VAV3: variants seen among roughly 807,000 people sequenced by gnomAD.
VAV3 encodes guanine nucleotide exchange factor VAV3.
VAV3 carries 94 observed loss-of-function variants against 131.2 expected under a neutral mutation model. The ratio of observed to expected loss-of-function variants is 0.72; its 90% CI spans 0.61 to 0.85. VAV3 has a LOEUF of 0.85. Among genes scored for constraint, VAV3 ranks in the 40% least tolerant of loss-of-function variants. VAV3 has a pLI of 0.00. For missense variants in VAV3, 939 were observed against 1,002.7 expected (o/e 0.94, Z 0.86); for synonymous variants, 349 against 342.0 (o/e 1.02, Z -0.22).
intron 15 of VAV3, among the ~76,000 whole-genome samples, chr1:107,730,215 GAGA>G (rs1210359764): frequency 6.6e-6 from 1 of 152,162 alleles, no homozygotes; most frequent in African/African-American, 2.4e-5. Context: ...TACCCTGAAG[GAGA>G]AGGATGACAG....
chr1:107,637,382 G>A (rs755770920), intron 20 of VAV3, among the ~76,000 whole-genome samples: 7 of 152,080 alleles, frequency 4.6e-5, no homozygotes, highest in Non-Finnish European at 1.0e-4. Flanking sequence ...TAGCACTTTG[G>A]GAGGCTGAGG....
At chr1:107,836,818 T>C (rs1442926786) in intron 2 of VAV3, among the ~76,000 whole-genome samples, 1 of 151,886 alleles carries the variant, frequency 6.6e-6, no homozygotes, top group African/African-American at 2.4e-5. Context: ...CTAGAGGAAA[T>C]ATATAAACTC....
chr1:107,738,630 T>A (rs1293713131), intron 15 of VAV3, among the ~76,000 whole-genome samples: 1 of 152,242 alleles, frequency 6.6e-6, no homozygotes, highest in Non-Finnish European at 1.5e-5. Flanking sequence ...CAATCGCAGC[T>A]TATTTTGTGT....
chr1:107,822,968 A>G (rs1038814842), intron 2 of VAV3, among the ~76,000 whole-genome samples: 3 of 152,176 alleles, frequency 2.0e-5, no homozygotes, highest in African/African-American at 7.2e-5. Flanking sequence ...ACAGGCCATA[A>G]AATTTTGGAT....
At position 107,643,365 on chromosome 1, in the gene VAV3, T is replaced by G. The variant is rs572332810; in HGVS notation, c.1778-610A>C. On this transcript the variant is annotated intron_variant, in intron 19 of 26. Coordinates refer to ENST00000370056, the MANE Select transcript of VAV3 (RefSeq NM_006113.5). ...TCTAAGCCAATAGCACCAATGATATTTGAAATACAGATCCATTCCTTCTCT... is the reference window on the plus strand; with the variant it reads ...TCTAAGCCAATAGCACCAATGATATGTGAAATACAGATCCATTCCTTCTCT... Among the ~76,000 whole-genome samples the G allele has an allele frequency of 2.0e-5, 3 of 152,342 alleles. No homozygotes were observed. The South Asian group carries it at 6.2e-4, about 32-fold the overall frequency.
At chr1:107,612,211 T>C (rs1652804894) in intron 21 of VAV3, among the ~76,000 whole-genome samples, 1 of 151,076 alleles carries the variant, frequency 6.6e-6, no homozygotes, top group African/African-American at 2.4e-5. Flanking sequence ...TAAATATATA[T>C]GTGTCTATTT....
chr1:107,614,422 C>T (rs1652985750), intron 21 of VAV3, among the ~76,000 whole-genome samples: 1 of 151,900 alleles, frequency 6.6e-6, no homozygotes, highest in African/African-American at 2.4e-5. Flanking sequence ...CTCCCTCAAT[C>T]TATCCCCTCC....
chr1:107,743,525 A>AT (rs1663146120), intron 15 of VAV3, among the ~76,000 whole-genome samples: 1 of 152,210 alleles, frequency 6.6e-6, no homozygotes, highest in Non-Finnish European at 1.5e-5. Flanking sequence ...TTAACAGAAT[A>AT]TTATTATATT....
intron 2 of VAV3, among the ~76,000 whole-genome samples, chr1:107,873,753 C>A (rs986147492): frequency 6.6e-6 from 1 of 152,122 alleles, no homozygotes; most frequent in African/African-American, 2.4e-5. Context: ...TCTTATCCCC[C>A]CTTCCTTTTG....
chr1:107,863,632 T>C (rs1224632769), intron 2 of VAV3, among the ~76,000 whole-genome samples: 1 of 152,248 alleles, frequency 6.6e-6, no homozygotes, highest in African/African-American at 2.4e-5. Context: ...GGATTACCAC[T>C]TCGGCACCTT....
At chr1:107,742,863 T>C (rs972388045) in intron 15 of VAV3, among the ~76,000 whole-genome samples, 2 of 152,198 alleles carry the variant, frequency 1.3e-5, no homozygotes, top group Non-Finnish European at 2.9e-5. Context: ...ATAAATACAA[T>C]TGTGAGAGAA....
At chr1:107,901,042 T>TA (rs745444460) in intron 1 of VAV3, among the ~76,000 whole-genome samples, 4 of 152,190 alleles carry the variant, frequency 2.6e-5, no homozygotes, top group Non-Finnish European at 5.9e-5. Context: ...TGCCAGACTG[T>TA]ACTTACTAAA....
intron 1 of VAV3, among the ~76,000 whole-genome samples, chr1:107,930,469 T>C (rs531890802): frequency 1.6e-4 from 24 of 152,258 alleles, no homozygotes; most frequent in Admixed American, 1.0e-3. Context: ...TAGTCATTAC[T>C]AGAAATGACA....
chr1:107,594,014 T>C (rs1651175930), intron 25 of VAV3, among the ~76,000 whole-genome samples: 1 of 152,098 alleles, frequency 6.6e-6, no homozygotes, highest in African/African-American at 2.4e-5. Context: ...TCCTCTAACT[T>C]TATACAAAGT....
chr1:107,940,328 A>ATT (rs1673926206), intron 1 of VAV3, among the ~76,000 whole-genome samples: 1 of 152,110 alleles, frequency 6.6e-6, no homozygotes, highest in Non-Finnish European at 1.5e-5. Flanking sequence ...CACCCACAAT[A>ATT]TTTAAAAGGA....
intron 1 of VAV3, among the ~76,000 whole-genome samples, chr1:107,893,006 A>C (rs936355422): frequency 2.0e-5 from 3 of 151,878 alleles, no homozygotes; most frequent in Admixed American, 6.6e-5. Context: ...TTCTGGAAAC[A>C]GCTAAAAGAG....
chr1:107,822,358 A>C (rs1667828131), intron 2 of VAV3, among the ~76,000 whole-genome samples: 1 of 152,112 alleles, frequency 6.6e-6, no homozygotes, highest in Non-Finnish European at 1.5e-5. Context: ...GAGGGGAAAA[A>C]AAAATAATTA....
intron 12 of VAV3, among the ~76,000 whole-genome samples, chr1:107,754,759 CA>C (rs1663999696): frequency 2.6e-5 from 4 of 152,162 alleles, no homozygotes; most frequent in Non-Finnish European, 4.4e-5. Flanking sequence ...TTCTTGAATA[CA>C]CCTGGTTCTT....
chr1:107,837,031 G>C (rs1035481970), intron 2 of VAV3, among the ~76,000 whole-genome samples: 2 of 151,970 alleles, frequency 1.3e-5, no homozygotes, highest in Admixed American at 1.3e-4. Context: ...CAAAGAGGAA[G>C]GACTCCTCCC....
Sources: allele counts gnomAD v4.1 joint callset (sites outside exome capture counted in the v4.1 genomes callset), GRCh38; gene constraint gnomAD v4.1.1; transcripts MANE v1.5; gene names NCBI Gene and HGNC (gene_info 2026-07-23, HGNC 2026-07-21).